TATDN1: variants seen among roughly 807,000 people sequenced by gnomAD.
The protein encoded by TATDN1 is TatD DNase domain containing 1.
A neutral mutation model predicts 46.4 loss-of-function variants in TATDN1; 40 were observed. The ratio of observed to expected loss-of-function variants is 0.86; its 90% CI spans 0.67 to 1.12. The LOEUF is 1.12. Among genes scored for constraint, TATDN1 ranks in the 50% most tolerant of loss-of-function variants. The pLI is 0.00. For synonymous variants in TATDN1, 95 were observed against 105.6 expected (o/e 0.90, Z 0.62); for missense variants, 326 against 348.4 (o/e 0.94, Z 0.51).
intron 1 of TATDN1, among the ~76,000 whole-genome samples, chr8:124,538,672 C>A (rs773789634): frequency 5.9e-5 from 9 of 152,178 alleles, no homozygotes; most frequent in Non-Finnish European, 1.2e-4. Flanking sequence ...TCCGCCAAGG[C>A]AGAGGGGAAG....
At chr8:124,506,347 A>AG (rs915500192) in intron 8 of TATDN1, among the ~76,000 whole-genome samples, 7 of 150,882 alleles carry the variant, frequency 4.6e-5, no homozygotes, top group African/African-American at 1.7e-4. Context: ...AAAAAAAAAA[A>AG]AAAAAAAAAG....
At chr8:124,528,340 A>AT (rs1820680117) in intron 1 of TATDN1, among the ~76,000 whole-genome samples, 1 of 151,818 alleles carries the variant, frequency 6.6e-6, no homozygotes. Flanking sequence ...CACCCGGCTA[A>AT]TTTTTTGTAT....
chr8:124,533,536 G>A (rs1271061257), intron 1 of TATDN1, among the ~76,000 whole-genome samples: 3 of 152,064 alleles, frequency 2.0e-5, no homozygotes, highest in East Asian at 1.9e-4. Context: ...TGGTGAAACT[G>A]CAAAAAAGGA....
At chr8:124,500,762 A>AAC (rs1554606698) in intron 9 of TATDN1, among the ~76,000 whole-genome samples, 3 of 151,970 alleles carry the variant, frequency 2.0e-5, no homozygotes, top group Non-Finnish European at 2.9e-5. Flanking sequence ...TTAAAAAAAA[A>AAC]AAAACAAAAC....
chr8:124,521,861 T>G (rs1014694381), intron 3 of TATDN1: 1 of 243,574 alleles, frequency 4.1e-6, no homozygotes, highest in Non-Finnish European at 7.7e-6. Context: ...TAAAATTGAT[T>G]AAAAGTTGCC....
intron 11 of TATDN1, among the ~76,000 whole-genome samples, chr8:124,492,268 C>G (rs1253664597): frequency 6.6e-6 from 1 of 152,136 alleles, no homozygotes; most frequent in Non-Finnish European, 1.5e-5. Context: ...AGCCACCATG[C>G]CTGGCCAGCC....
intron 2 of TATDN1, 40 bp downstream of exon 2, chr8:124,522,897 T>G: frequency 6.4e-7 from 1 of 1,564,138 alleles, no homozygotes; most frequent in Non-Finnish European, 8.8e-7. Flanking sequence ...AAAATTTGTC[T>G]TCATAGGAAA....
intron 9 of TATDN1, among the ~76,000 whole-genome samples, chr8:124,501,602 A>G (rs1377585513): frequency 6.6e-6 from 1 of 152,344 alleles, no homozygotes; most frequent in East Asian, 1.9e-4. Context: ...CAGTATAAAA[A>G]TAGAGTATTC....
At chr8:124,525,914 C>T (rs1008431902) in intron 1 of TATDN1, among the ~76,000 whole-genome samples, 1 of 152,128 alleles carries the variant, frequency 6.6e-6, no homozygotes, top group African/African-American at 2.4e-5. Context: ...GAAACAAAAA[C>T]CTTGGATCTG....
At chr8:124,533,753 G>A (rs1247306687) in intron 1 of TATDN1, among the ~76,000 whole-genome samples, 2 of 152,094 alleles carry the variant, frequency 1.3e-5, no homozygotes, top group South Asian at 2.1e-4. Context: ...CTACTTGGTC[G>A]AGGGGGGTTC....
intron 1 of TATDN1, among the ~76,000 whole-genome samples, chr8:124,535,247 G>A (rs1251858959): frequency 1.3e-5 from 2 of 152,186 alleles, no homozygotes; most frequent in Admixed American, 6.5e-5. Flanking sequence ...CAGGAGTTGT[G>A]CACAAAGAAA....
chr8:124,516,754 C>T (rs879905581), intron 4 of TATDN1, among the ~76,000 whole-genome samples: 10 of 151,980 alleles, frequency 6.6e-5, no homozygotes, highest in South Asian at 2.1e-4. Flanking sequence ...ATAGTGGGGG[C>T]GATTTAAAGT....
chr8:124,506,334 C>CAAAAAAAAAAAAAAAAAAAAAAAGAAAA (rs56023168), intron 8 of TATDN1, among the ~76,000 whole-genome samples: 1 of 52,526 alleles, frequency 1.9e-5, no homozygotes, highest in African/African-American at 7.0e-5. Flanking sequence ...GGCTCTGTCT[C>CAAAAAAAAAAAAAAAAAAAAAAAGAAAA]AAAAAAAAAA....
At chr8:124,531,523 G>A (rs72713096) in intron 1 of TATDN1, among the ~76,000 whole-genome samples, 13,954 of 152,148 alleles carry the variant, frequency 0.092, 721 homozygotes, top group East Asian at 0.16. Flanking sequence ...GGAATTCAGT[G>A]GGAACACCCT....
chr8:124,530,155 G>T (rs1820838514), intron 1 of TATDN1, among the ~76,000 whole-genome samples: 1 of 152,094 alleles, frequency 6.6e-6, no homozygotes, highest in Non-Finnish European at 1.5e-5. Context: ...TAAAGAATGG[G>T]TTTCCAATGT....
At chr8:124,534,077 C>T (rs897378892) in intron 1 of TATDN1, among the ~76,000 whole-genome samples, 7 of 130,574 alleles carry the variant, frequency 5.4e-5, no homozygotes, top group South Asian at 2.6e-4. Flanking sequence ...ACCTGGGAGG[C>T]GGAGCTTGCA....
Position 124,522,027 on chromosome 8 carries a change from C to T in TATDN1, c.138+124G>A, listed in dbSNP as rs1586653071. The T allele has an allele frequency of 2.4e-5, 15 of 613,732 alleles. No homozygotes were observed. The East Asian group carries it at 4.2e-4, about 17-fold the overall frequency. The allele number at this position is 613,732 out of a possible 1,614,324, so 38.0% of individuals were successfully genotyped here. On this transcript the variant is annotated intron_variant, in intron 3 of 11. Coordinates refer to ENST00000276692, the MANE Select transcript of TATDN1 (RefSeq NM_032026.4). ...TGTTTCAATTAACTTTCTAATATCA[C>T]AAGTAGACAATATGTACCCCAACTG...
chr8:124,505,401 C>CA (rs919403708), intron 8 of TATDN1, among the ~76,000 whole-genome samples: 1 of 150,870 alleles, frequency 6.6e-6, no homozygotes, highest in South Asian at 2.1e-4. Context: ...AAAAACAAAA[C>CA]AAAAAAAGAG....
At chr8:124,494,055 G>A in intron 10 of TATDN1, 96 bp from the exon 11 acceptor site, 3 of 1,218,302 alleles carry the variant, frequency 2.5e-6, no homozygotes, top group Non-Finnish European at 3.3e-6. Flanking sequence ...GATAAACCGT[G>A]ATTCAGCTTC....
Sources: gnomAD v4.1 joint callset for allele counts (sites outside exome capture counted in the v4.1 genomes callset) on GRCh38, gnomAD v4.1.1 for gene constraint, MANE v1.5 for transcripts, NCBI Gene and HGNC (gene_info 2026-07-23, HGNC 2026-07-21) for gene names.